The following CDIN1 variants were observed in gnomAD, a reference collection of about 807,000 sequenced individuals.
The protein encoded by CDIN1 is CDAN1-interacting nuclease 1.
In CDIN1, 33 loss-of-function variants were observed where a neutral mutation model predicts 45.3. The ratio of observed to expected loss-of-function variants is 0.73; its 90% CI spans 0.55 to 0.97. CDIN1 has a LOEUF of 0.97. CDIN1 is among the 50% of genes least tolerant of loss of function. The probability of loss-of-function intolerance (pLI) is 0.00; values close to 1 mark genes in which losing one functional copy is unlikely to be tolerated. For synonymous variants in CDIN1, 118 were observed against 124.4 expected (o/e 0.95, Z 0.34); for missense variants, 303 against 339.4 (o/e 0.89, Z 0.84).
intron 5 of CDIN1, among the ~76,000 whole-genome samples, chr15:36,675,813 C>T (rs926592523): frequency 6.6e-6 from 1 of 152,150 alleles, no homozygotes. Context: ...TTCTTGAAAA[C>T]TCAAGAGAAT....
At chr15:36,709,195 A>G in intron 8 of CDIN1, 28 bp from the exon 9 acceptor site, 1 of 1,569,470 alleles carries the variant, frequency 6.4e-7, no homozygotes, top group South Asian at 1.2e-5. Flanking sequence ...ATAGTGTTTT[A>G]AGTAAATAGT....
At chr15:36,753,771 A>G (rs949100549) in intron 10 of CDIN1, among the ~76,000 whole-genome samples, 7 of 152,144 alleles carry the variant, frequency 4.6e-5, no homozygotes, top group Admixed American at 3.9e-4. Context: ...TTTTTGAGGT[A>G]TAAGAGAAGC....
intron 5 of CDIN1, among the ~76,000 whole-genome samples, chr15:36,676,711 G>A (rs555641711): frequency 1.5e-4 from 23 of 152,160 alleles, no homozygotes; most frequent in Admixed American, 5.9e-4. Flanking sequence ...GGGAGTTTTC[G>A]CTTTACCTGT....
intron 3 of CDIN1, among the ~76,000 whole-genome samples, chr15:36,650,402 TTTTATTTATTTA>T (rs138686194): frequency 0.045 from 6,423 of 142,696 alleles, 245 homozygotes; most frequent in African/African-American, 0.1. Flanking sequence ...TTGAGAAAAT[TTTTATTTATTTA>T]TTTATTTATT....
intron 10 of CDIN1, among the ~76,000 whole-genome samples, chr15:36,735,011 T>A (rs1268363068): frequency 6.6e-6 from 1 of 152,202 alleles, no homozygotes; most frequent in Non-Finnish European, 1.5e-5. Flanking sequence ...CTGCTCTATA[T>A]TTCCATTAAC....
intron 5 of CDIN1, among the ~76,000 whole-genome samples, chr15:36,676,805 C>G (rs1566890370): frequency 6.6e-6 from 1 of 152,110 alleles, no homozygotes; most frequent in Non-Finnish European, 1.5e-5. Flanking sequence ...CTGCATGGAG[C>G]ACTAGCTTGA....
At chr15:36,725,555 G>A (rs1414781152) in intron 10 of CDIN1, among the ~76,000 whole-genome samples, 1 of 152,108 alleles carries the variant, frequency 6.6e-6, no homozygotes, top group Admixed American at 6.6e-5. Flanking sequence ...GATTACTTCT[G>A]AAGTGCAAGA....
intron 10 of CDIN1, among the ~76,000 whole-genome samples, chr15:36,763,392 C>CTT (rs1384165802): frequency 6.6e-6 from 1 of 152,136 alleles, no homozygotes; most frequent in Admixed American, 6.5e-5. Context: ...TGGCCACACT[C>CTT]AGTAAGAGTC....
At chr15:36,730,786 G>A (rs2043805792) in intron 10 of CDIN1, among the ~76,000 whole-genome samples, 1 of 151,864 alleles carries the variant, frequency 6.6e-6, no homozygotes, top group Admixed American at 6.6e-5. Flanking sequence ...AATATTTCTT[G>A]AGTGCCAAAA....
At chr15:36,693,199 A>G (rs1261410696) in intron 7 of CDIN1, among the ~76,000 whole-genome samples, 1 of 152,180 alleles carries the variant, frequency 6.6e-6, no homozygotes, top group Non-Finnish European at 1.5e-5. Context: ...TCATGCCTAT[A>G]TAAGTAAAGT....
chr15:36,697,480 AATG>A lies in CDIN1; in HGVS notation c.544+96_544+98del, dbSNP rs1349249326. 5.8e-6 allele frequency: 6 copies of A among 1,034,850 alleles called. No homozygotes were observed. In the East Asian group the frequency reaches 1.5e-4, roughly 26 times the overall value. 64.1% of individuals were successfully genotyped at this position (1,034,850 alleles called of 1,614,324 possible). On this transcript the variant is annotated intron_variant, in intron 8 of 10. Coordinates refer to ENST00000566621, the MANE Select transcript of CDIN1 (RefSeq NM_001321759.2). Reference sequence around the variant, plus strand: ...AAAATCTTCCACTAAAGGAAGAGTGAATGATGATTGATGCTGTGCATATTATCT... The same window carrying A: ...AAAATCTTCCACTAAAGGAAGAGTGAATGATTGATGCTGTGCATATTATCT...
intron 10 of CDIN1, among the ~76,000 whole-genome samples, chr15:36,797,806 C>T (rs1008319303): frequency 6.6e-6 from 1 of 151,808 alleles, no homozygotes. Flanking sequence ...ATGGTGAAAC[C>T]CCGTCTCTAC....
Position 36,716,270 on chromosome 15 carries a change from A to T in CDIN1, c.716+6309A>T, listed in dbSNP as rs931015331. On this transcript the variant is annotated intron_variant, in intron 10 of 10. Transcript: ENST00000566621. ...TGACTTCGTGTTGACACCCACTATG[A>T]CAAAGTTAATCTGAGTCATGTATAG... Among the ~76,000 whole-genome samples the T allele has an allele frequency of 3.3e-5, 5 of 152,148 alleles. No homozygotes were observed. The East Asian group carries it at 9.6e-4, about 29-fold the overall frequency.
At chr15:36,602,665 C>T (rs927597735) in intron 1 of CDIN1, among the ~76,000 whole-genome samples, 3 of 152,068 alleles carry the variant, frequency 2.0e-5, no homozygotes, top group Non-Finnish European at 4.4e-5. Context: ...TAAAGTGGTT[C>T]TAAAGTGATT....
chr15:36,754,948 T>G (rs986361994), intron 10 of CDIN1, among the ~76,000 whole-genome samples: 5 of 152,226 alleles, frequency 3.3e-5, no homozygotes, highest in Non-Finnish European at 7.3e-5. Flanking sequence ...TTTAGCAGTT[T>G]CCACAACTTA....
intron 10 of CDIN1, among the ~76,000 whole-genome samples, chr15:36,782,566 GAA>G (rs1491091928): frequency 6.6e-6 from 1 of 152,186 alleles, no homozygotes; most frequent in Non-Finnish European, 1.5e-5. Context: ...AAGAGAAAGA[GAA>G]AGAGCTTACG....
At chr15:36,792,617 G>A (rs2054675012) in intron 10 of CDIN1, among the ~76,000 whole-genome samples, 1 of 144,694 alleles carries the variant, frequency 6.9e-6, no homozygotes, top group African/African-American at 2.6e-5. Flanking sequence ...GGGGGGGAGG[G>A]TGGATTTGTT....
At chr15:36,730,190 T>C (rs1366402072) in intron 10 of CDIN1, among the ~76,000 whole-genome samples, 1 of 152,138 alleles carries the variant, frequency 6.6e-6, no homozygotes, top group Non-Finnish European at 1.5e-5. Flanking sequence ...ACTAAGAAAT[T>C]AGGACCATTA....
At chr15:36,667,761 T>G (rs980160279) in intron 5 of CDIN1, among the ~76,000 whole-genome samples, 3 of 152,174 alleles carry the variant, frequency 2.0e-5, no homozygotes, top group Non-Finnish European at 4.4e-5. Context: ...TTTTAGTTGT[T>G]AATACTATTT....
Sources: allele counts gnomAD v4.1 joint callset (sites outside exome capture counted in the v4.1 genomes callset), GRCh38; gene constraint gnomAD v4.1.1; transcripts MANE v1.5; gene names NCBI Gene and HGNC (gene_info 2026-07-23, HGNC 2026-07-21).